Variants in ITCH observed in about 807,000 individuals in gnomAD.
The protein encoded by ITCH is E3 ubiquitin-protein ligase Itchy homolog.
Under a neutral mutation model 126.8 loss-of-function variants are expected in ITCH, and 28 were observed. The observed-to-expected ratio is 0.22, with a 90% CI of 0.16 to 0.30. ITCH has a LOEUF of 0.30. Ranked by LOEUF, ITCH falls within the 10% of genes least tolerant of loss-of-function variation. The probability of loss-of-function intolerance (pLI) is 1.00; values close to 1 mark genes in which losing one functional copy is unlikely to be tolerated. For synonymous variants in ITCH, 342 were observed against 340.0 expected, an observed-to-expected ratio of 1.01 and a Z score of -0.06; for missense variants, 631 against 1,032.4, an observed-to-expected ratio of 0.61 and a Z score of 5.33.
chr20:34,493,661 G>C (rs1989666549), intron 23 of ITCH, among the ~76,000 whole-genome samples: 1 of 152,204 alleles, frequency 6.6e-6, no homozygotes, highest in Non-Finnish European at 1.5e-5. Flanking sequence ...GAAGTATAAA[G>C]AGTATGCATC....
At chr20:34,485,836 C>G (rs1238165115) in intron 20 of ITCH, among the ~76,000 whole-genome samples, 1 of 152,196 alleles carries the variant, frequency 6.6e-6, no homozygotes, top group Non-Finnish European at 1.5e-5. Flanking sequence ...GCACAAGCCA[C>G]TGTGCCCAGC....
chr20:34,371,004 T>C (rs1292798383), intron 2 of ITCH, among the ~76,000 whole-genome samples: 1 of 151,278 alleles, frequency 6.6e-6, no homozygotes, highest in Non-Finnish European at 1.5e-5. Context: ...CCGTCTCTAC[T>C]AAAAGTACAA....
chr20:34,437,195 A>G (rs972464426), intron 7 of ITCH, among the ~76,000 whole-genome samples: 5 of 152,210 alleles, frequency 3.3e-5, no homozygotes, highest in African/African-American at 1.2e-4. Flanking sequence ...TGACTGTAGT[A>G]CTTTTTTTCA....
At chr20:34,364,487 A>G (rs2122930628) in intron 1 of ITCH, among the ~76,000 whole-genome samples, 1 of 152,102 alleles carries the variant, frequency 6.6e-6, no homozygotes, top group South Asian at 2.1e-4. Context: ...TCGGCTAAGG[A>G]ATGGTTTATC....
chr20:34,475,303 C>T (rs1429858614), intron 16 of ITCH, among the ~76,000 whole-genome samples: 1 of 152,130 alleles, frequency 6.6e-6, no homozygotes, highest in Non-Finnish European at 1.5e-5. Flanking sequence ...CCAAGGCAGG[C>T]GGCTGGGAGG....
chr20:34,368,075 C>T (rs2037484285), intron 1 of ITCH, among the ~76,000 whole-genome samples: 1 of 152,086 alleles, frequency 6.6e-6, no homozygotes, highest in South Asian at 2.1e-4. Context: ...TCGAGATCAT[C>T]CTGGCCAACG....
intron 20 of ITCH, among the ~76,000 whole-genome samples, chr20:34,485,855 T>C (rs959076007): frequency 6.6e-6 from 1 of 152,148 alleles, no homozygotes; most frequent in Non-Finnish European, 1.5e-5. Context: ...GCAAATTTTT[T>C]GGTTGTTTTT....
At chr20:34,499,272 C>CTTTT (rs386393666) in intron 23 of ITCH, among the ~76,000 whole-genome samples, 500 of 23,034 alleles carry the variant, frequency 0.022, 159 homozygotes, top group Middle Eastern at 0.1. Flanking sequence ...CTGTGCCCAG[C>CTTTT]TTTTTTTTTT....
intron 10 of ITCH, 59 bp from the exon 11 acceptor site, chr20:34,445,224 TTCTA>T (rs778270650): frequency 1.6e-4 from 244 of 1,572,782 alleles, no homozygotes; most frequent in Non-Finnish European, 2.0e-4. Flanking sequence ...AGGTAAAATA[TTCTA>T]TCTGTTTCAC....
chr20:34,410,339 C>T (rs112214095), intron 4 of ITCH, among the ~76,000 whole-genome samples: 17 of 149,936 alleles, frequency 1.1e-4, no homozygotes, highest in South Asian at 4.2e-4. Context: ...CGTGCCATTG[C>T]GTTCCAGCCA....
rs1281295497 is a variant in ITCH at position 34,509,483 on chromosome 20, A to G, written c.*1689A>G. ...TTTTACATCCTGGAACAACAATAAAAACATTTTTTTAAACTTGTCTACTGT... is the reference window on the plus strand; with the variant it reads ...TTTTACATCCTGGAACAACAATAAAGACATTTTTTTAAACTTGTCTACTGT... On this transcript the variant is annotated 3_prime_UTR_variant, in exon 25 of 25. Transcript: ENST00000374864. The G allele has an allele frequency of 6.5e-6, 1 of 152,672 alleles. No individual in the cohort carries two copies. Among genetic ancestry groups the G allele is most frequent in the Non-Finnish European group, 1.5e-5 (1 of 68,046 alleles). 9.5% of individuals were successfully genotyped at this position (152,672 alleles called of 1,614,324 possible). A position where few individuals can be genotyped will look rare whatever the true frequency, so the allele number is the denominator to read the frequency against.
intron 1 of ITCH, 100 bp from the exon 2 acceptor site, chr20:34,369,294 C>G (rs1417668836): frequency 2.6e-6 from 1 of 387,130 alleles, no homozygotes; most frequent in Non-Finnish European, 4.6e-6. Context: ...TATCATGCCA[C>G]TGCACTCTAG....
chr20:34,378,499 T>TAA (rs759045132), intron 2 of ITCH, among the ~76,000 whole-genome samples: 3 of 110,866 alleles, frequency 2.7e-5, no homozygotes, highest in Non-Finnish European at 5.7e-5. Context: ...AAAAAAGATG[T>TAA]AAAAAAAAAA....
At chr20:34,491,599 G>A (rs761434449) in intron 22 of ITCH, among the ~76,000 whole-genome samples, 2 of 152,070 alleles carry the variant, frequency 1.3e-5, no homozygotes, top group Non-Finnish European at 2.9e-5. Flanking sequence ...TGGTATACAT[G>A]TAAAAAAATT....
At chr20:34,463,314 G>T (rs1986719008) in intron 14 of ITCH, among the ~76,000 whole-genome samples, 1 of 152,206 alleles carries the variant, frequency 6.6e-6, no homozygotes, top group South Asian at 2.1e-4. Context: ...AGTGAGTCAA[G>T]ATCATGCCAC....
chr20:34,390,354 C>T (rs918533939), intron 2 of ITCH, among the ~76,000 whole-genome samples: 1 of 151,024 alleles, frequency 6.6e-6, no homozygotes, highest in Non-Finnish European at 1.5e-5. Context: ...GAATGTTGAT[C>T]TAGATCTGTC....
Position 34,408,805 on chromosome 20 carries a change from G to T in ITCH, c.212+13G>T. 1 of 1,612,590 alleles carries T rather than the reference G, an allele frequency of 6.2e-7. No individual in the cohort carries two copies. Among genetic ancestry groups the T allele is most frequent in the Non-Finnish European group, 8.5e-7 (1 of 1,179,108 alleles). ...AACCCCTTACAGTGTAAGCTTGGAA[G>T]TATTTTTCTGTAGTATGTTTTGTTT... On this transcript the variant is annotated intron_variant, in intron 4 of 24. Coordinates refer to ENST00000374864, the MANE Select transcript of ITCH (RefSeq NM_031483.7).
intron 2 of ITCH, among the ~76,000 whole-genome samples, chr20:34,371,902 TC>T (rs1319675883): frequency 1.3e-5 from 2 of 152,208 alleles, no homozygotes; most frequent in African/African-American, 4.8e-5. Context: ...ATATGATTTC[TC>T]AGGTTCTTTC....
At chr20:34,475,847 A>G in intron 16 of ITCH, 1 of 792,340 alleles carries the variant, frequency 1.3e-6, no homozygotes, top group South Asian at 1.5e-5. Context: ...CCACTCATCC[A>G]TGTACTCATT....
Sources: allele counts gnomAD v4.1 joint callset (sites outside exome capture counted in the v4.1 genomes callset), GRCh38; gene constraint gnomAD v4.1.1; transcripts MANE v1.5; gene names NCBI Gene and HGNC (gene_info 2026-07-23, HGNC 2026-07-21).